The following NRG1 variants were observed in gnomAD, a reference collection of about 807,000 sequenced individuals.
NRG1 encodes the protein neuregulin 1.
A neutral mutation model predicts 63.8 loss-of-function variants in NRG1; 18 were observed. That is an observed-to-expected ratio of 0.28 (90% CI 0.19 to 0.42). The LOEUF is 0.42. NRG1 is among the 10% of genes least tolerant of loss of function. The probability of loss-of-function intolerance (pLI) is 1.00; values close to 1 mark genes in which losing one functional copy is unlikely to be tolerated. For missense variants in NRG1, 762 were observed against 814.7 expected (o/e 0.94, Z 0.79); for synonymous variants, 302 against 301.3 (o/e 1.00, Z -0.02).
At chr8:32,615,248 CTTA>C (rs1847143096) in intron 4 of NRG1, among the ~76,000 whole-genome samples, 1 of 118,352 alleles carries the variant, frequency 8.4e-6, no homozygotes, top group Non-Finnish European at 1.5e-5. Context: ...TAAACTTTTT[CTTA>C]TTCTTTGTAA....
intron 5 of NRG1, among the ~76,000 whole-genome samples, chr8:32,650,928 A>G (rs1854974196): frequency 1.3e-5 from 2 of 152,100 alleles, no homozygotes; most frequent in Non-Finnish European, 2.9e-5. Flanking sequence ...CTTCAAGGTC[A>G]TAGACTGTTG....
At chr8:32,253,380 A>T in intron 1 of NRG1, among the ~76,000 whole-genome samples, 1 of 152,184 alleles carries the variant, frequency 6.6e-6, no homozygotes, top group Non-Finnish European at 1.5e-5. Context: ...TAGGTAGTTT[A>T]TTGAGAGCTT....
intron 1 of NRG1, among the ~76,000 whole-genome samples, chr8:32,244,619 C>T (rs1365658455): frequency 2.6e-5 from 4 of 152,150 alleles, no homozygotes; most frequent in African/African-American, 7.2e-5. Flanking sequence ...GGGATTAGGT[C>T]ACATTCAACA....
At chr8:32,534,038 G>A (rs887894915) in intron 1 of NRG1, among the ~76,000 whole-genome samples, 1 of 152,030 alleles carries the variant, frequency 6.6e-6, no homozygotes, top group Non-Finnish European at 1.5e-5. Context: ...GTGTCAGTGA[G>A]CAAATAGATG....
rs142826275 is a variant in NRG1, at chr8:32,623,883, T to G, written c.502+6998T>G. On this transcript the variant is annotated intron_variant, in intron 5 of 11. Transcript: ENST00000356819. ...GAATCTAAAAAGTTTTGATTAAGCT[T>G]TGACCTTTCGTACTGGTTGAAATTA... is the stretch of plus-strand genomic sequence containing the variant. 1.4e-3 allele frequency among the ~76,000 whole-genome samples: 208 copies of G among 152,376 alleles called. 1 individual carries two copies. Among genetic ancestry groups the G allele is most frequent in the African/African-American group, 4.8e-3 (199 of 41,598 alleles).
chr8:32,453,819 T>G (rs999632671), intron 1 of NRG1, among the ~76,000 whole-genome samples: 1 of 152,180 alleles, frequency 6.6e-6, no homozygotes, highest in South Asian at 2.1e-4. Flanking sequence ...GCTGCCCCCT[T>G]GCAACCCATC....
chr8:32,351,188 C>G (rs1466556904), intron 1 of NRG1, among the ~76,000 whole-genome samples: 1 of 143,148 alleles, frequency 7.0e-6, no homozygotes, highest in African/African-American at 2.5e-5. Context: ...CACTTTCACA[C>G]CTACATACTC....
At chr8:32,500,008 A>C (rs1827671911) in intron 1 of NRG1, among the ~76,000 whole-genome samples, 3 of 152,192 alleles carry the variant, frequency 2.0e-5, no homozygotes, top group Admixed American at 1.3e-4. Context: ...GAACATTCAC[A>C]AGGGTGGGTT....
intron 1 of NRG1, among the ~76,000 whole-genome samples, chr8:32,066,306 T>G (rs2130967338): frequency 1.3e-5 from 2 of 152,346 alleles, no homozygotes; most frequent in South Asian, 4.1e-4. Context: ...CTTCTAGGGT[T>G]TTAATGGTTT....
chr8:32,687,384 C>T (rs2128928572), intron 5 of NRG1, among the ~76,000 whole-genome samples: 1 of 152,240 alleles, frequency 6.6e-6, no homozygotes, highest in Non-Finnish European at 1.5e-5. Flanking sequence ...GAAACTGCAA[C>T]AGAGCACTAT....
chr8:32,309,032 T>C (rs921578258), intron 1 of NRG1, among the ~76,000 whole-genome samples: 7 of 152,190 alleles, frequency 4.6e-5, no homozygotes, highest in South Asian at 2.1e-4. Context: ...TGCTGATGTG[T>C]AGCTTATGAA....
chr8:32,206,836 G>A (rs930496907), intron 1 of NRG1, among the ~76,000 whole-genome samples: 1 of 152,132 alleles, frequency 6.6e-6, no homozygotes, highest in African/African-American at 2.4e-5. Flanking sequence ...CACTTTCTGT[G>A]TCCACGTGTA....
At chr8:31,819,066 A>G (rs1199039584) in intron 1 of NRG1, among the ~76,000 whole-genome samples, 1 of 151,912 alleles carries the variant, frequency 6.6e-6, no homozygotes, top group Non-Finnish European at 1.5e-5. Context: ...AAACAAAACA[A>G]AACAAAAACT....
chr8:32,609,058 A>G (rs543817049), intron 3 of NRG1, among the ~76,000 whole-genome samples: 3 of 152,310 alleles, frequency 2.0e-5, no homozygotes, highest in East Asian at 3.9e-4. Flanking sequence ...AGCCGGAAAC[A>G]TAGCTGCCCG....
intron 1 of NRG1, among the ~76,000 whole-genome samples, chr8:31,956,873 A>G (rs757765484): frequency 6.6e-6 from 1 of 152,188 alleles, no homozygotes; most frequent in Non-Finnish European, 1.5e-5. Context: ...TTCAAAACCC[A>G]TATACTTTTG....
chr8:31,730,190 C>A (rs1166342419), intron 1 of NRG1, among the ~76,000 whole-genome samples: 3 of 152,090 alleles, frequency 2.0e-5, no homozygotes, highest in African/African-American at 7.2e-5. Flanking sequence ...TTAGGCAAAC[C>A]TCAATAATTA....
intron 1 of NRG1, among the ~76,000 whole-genome samples, chr8:31,736,522 G>A (rs1469622003): frequency 1.3e-5 from 2 of 151,962 alleles, no homozygotes; most frequent in Non-Finnish European, 2.9e-5. Flanking sequence ...ATCCATAATT[G>A]GGTAGTAGAC....
At chr8:31,932,762 C>A (rs80262998) in intron 1 of NRG1, among the ~76,000 whole-genome samples, 1 of 152,286 alleles carries the variant, frequency 6.6e-6, no homozygotes, top group African/African-American at 2.4e-5. Context: ...CATTGCTAGG[C>A]TGAGATTTGC....
intron 1 of NRG1, among the ~76,000 whole-genome samples, chr8:31,979,431 T>C (rs1365073741): frequency 6.6e-6 from 1 of 152,142 alleles, no homozygotes; most frequent in Non-Finnish European, 1.5e-5. Flanking sequence ...GAAATGTCCC[T>C]GTCTTGTCTG....
Sources: gnomAD v4.1 joint callset for allele counts (sites outside exome capture counted in the v4.1 genomes callset) on GRCh38, gnomAD v4.1.1 for gene constraint, MANE v1.5 for transcripts, NCBI Gene and HGNC (gene_info 2026-07-23, HGNC 2026-07-21) for gene names.